Variants in MAN1A1 observed in about 807,000 individuals in gnomAD.
The protein encoded by MAN1A1 is mannosidase alpha class 1A member 1, also known as mannosyl-oligosaccharide 1,2-alpha-mannosidase IA.
A neutral mutation model predicts 70.8 loss-of-function variants in MAN1A1; 29 were observed. The observed-to-expected ratio is 0.41, with a 90% CI of 0.31 to 0.56. MAN1A1 has a LOEUF of 0.56. Ranked by LOEUF, MAN1A1 falls within the 20% of genes least tolerant of loss-of-function variation. The pLI is 0.29. For missense variants in MAN1A1, 747 were observed against 841.3 expected, an observed-to-expected ratio of 0.89 and a Z score of 1.39; for synonymous variants, 349 against 330.1, an observed-to-expected ratio of 1.06 and a Z score of -0.62.
intron 6 of MAN1A1, among the ~76,000 whole-genome samples, chr6:119,205,130 A>G (rs183327094): frequency 7.2e-4 from 110 of 152,334 alleles, no homozygotes; most frequent in Admixed American, 1.2e-3. Flanking sequence ...GTTGGTGAAC[A>G]CACAAATCTT....
chr6:119,350,082 C>T (rs906305875), upstream of MAN1A1, among the ~76,000 whole-genome samples: 2 of 152,134 alleles, frequency 1.3e-5, no homozygotes, highest in African/African-American at 4.8e-5. Context: ...GCGCTGGCCT[C>T]GGCAGGGGTC....
chr6:119,236,133 T>A (rs1310446242), intron 6 of MAN1A1, among the ~76,000 whole-genome samples: 1 of 137,036 alleles, frequency 7.3e-6, no homozygotes, highest in Non-Finnish European at 1.6e-5. Context: ...AGACTCCGTC[T>A]AAAAAAAAAA....
intron 6 of MAN1A1, among the ~76,000 whole-genome samples, chr6:119,205,566 C>A (rs1227910082): frequency 6.6e-6 from 1 of 152,112 alleles, no homozygotes. Flanking sequence ...TGCTTCATGG[C>A]CTTTCTTGGA....
At chr6:119,266,417 G>C (rs1025932324) in intron 5 of MAN1A1, among the ~76,000 whole-genome samples, 1 of 151,954 alleles carries the variant, frequency 6.6e-6, no homozygotes, top group South Asian at 2.1e-4. Flanking sequence ...AGAGAGCCTA[G>C]AAATTGATCC....
At chr6:119,311,953 T>C (rs958136784) in intron 2 of MAN1A1, among the ~76,000 whole-genome samples, 1 of 152,160 alleles carries the variant, frequency 6.6e-6, no homozygotes, top group African/African-American at 2.4e-5. Flanking sequence ...TAAAAATTAG[T>C]TTGGTGTTGG....
At chr6:119,186,306 G>A (rs995027650) in intron 11 of MAN1A1, among the ~76,000 whole-genome samples, 2 of 152,074 alleles carry the variant, frequency 1.3e-5, no homozygotes, top group Non-Finnish European at 2.9e-5. Context: ...TGATTTTTAA[G>A]ACCCCCTATG....
chr6:119,298,294 C>G (rs1380627084), intron 4 of MAN1A1, among the ~76,000 whole-genome samples: 2 of 152,136 alleles, frequency 1.3e-5, no homozygotes, highest in African/African-American at 4.8e-5. Flanking sequence ...CATATTATCC[C>G]AACTTATTTT....
At chr6:119,330,910 C>T (rs1348667047) in intron 2 of MAN1A1, among the ~76,000 whole-genome samples, 3 of 152,134 alleles carry the variant, frequency 2.0e-5, no homozygotes, top group African/African-American at 7.2e-5. Flanking sequence ...CTAGGCCCCT[C>T]CCAGGGTACT....
chr6:119,329,096 T>C (rs1296022083), intron 2 of MAN1A1, among the ~76,000 whole-genome samples: 2 of 152,182 alleles, frequency 1.3e-5, no homozygotes, highest in Admixed American at 6.5e-5. Context: ...CTCTGTGCCA[T>C]GCCTACATTT....
chr6:119,296,304 G>T (rs2114429348), intron 4 of MAN1A1, among the ~76,000 whole-genome samples: 1 of 152,232 alleles, frequency 6.6e-6, no homozygotes, highest in African/African-American at 2.4e-5. Context: ...AGGTCCAGAG[G>T]CTCTCAAGCA....
In MAN1A1 at chr6:119,349,047, A is replaced by C. The variant is rs1375329764; in HGVS notation, c.19T>G (p.Leu7Val). The change falls in exon 2 of 13, where the codon TTG (leucine) becomes GTG (valine). Residue 7 changes from leucine (L) to valine (V), a missense_variant. This residue lies in a region of MAN1A1 where 328 missense variants were observed against 293.1 expected (regional missense o/e 1.12). Transcript: ENST00000368468. ...CCCGCGGGGCTGCTGAAGAGCGGCAACAGGCCCCCCACGGGCATCGCTCCC... is the reference window on the plus strand; with the variant it reads ...CCCGCGGGGCTGCTGAAGAGCGGCACCAGGCCCCCCACGGGCATCGCTCCC... MPVGGL[L>V]PLFSSPAGGV... is the part of the protein sequence containing the mutation. The C allele has an allele frequency of 7.5e-7, 1 of 1,326,648 alleles. No individual in the cohort carries two copies. The highest frequency in any genetic ancestry group is 9.7e-7 in the Non-Finnish European group (1 of 1,035,700). The allele number at this position is 1,326,648 out of a possible 1,614,324, so 82.2% of individuals were successfully genotyped here.
Position 119,201,345 on chromosome 6 carries a change from T to G in MAN1A1, c.1119A>C (p.Val373=). 2 of 1,592,146 alleles carry G rather than the reference T, an allele frequency of 1.3e-6. No individual in the cohort carries two copies. Among genetic ancestry groups the G allele is most frequent in the South Asian group, 2.2e-5 (2 of 90,534 alleles). ...TGTTCAGTACTGTTCGAATATTCAT[T>G]ACCTATAATAGAAAATAAAATGTTA... ...LSGNPIFAEK[V]MNIRTVLNKL... is the part of the protein sequence containing the mutation. Residue 373 remains valine, a splice_region_variant and synonymous_variant, in exon 8 of 13, where the codon GTA becomes GTC. Transcript: ENST00000368468.
At chr6:119,332,234 A>T (rs996979412) in intron 2 of MAN1A1, among the ~76,000 whole-genome samples, 1 of 152,196 alleles carries the variant, frequency 6.6e-6, no homozygotes, top group African/African-American at 2.4e-5. Context: ...ATGATATTTT[A>T]AAAATCTCAT....
intron 8 of MAN1A1, among the ~76,000 whole-genome samples, chr6:119,197,659 T>C (rs1562187682): frequency 6.6e-6 from 1 of 151,936 alleles, no homozygotes; most frequent in East Asian, 1.9e-4. Context: ...GCTAAGGAAA[T>C]GGCACAAGCA....
intron 1 of MAN1A1, 113 bp downstream of exon 1, chr6:119,349,429 G>A (rs1465250803): frequency 3.3e-6 from 3 of 913,528 alleles, no homozygotes; most frequent in Admixed American, 5.9e-5. Context: ...CGCCCTCGCA[G>A]CCCACTCTCT....
At chr6:119,189,541 A>G (rs1773381666) in intron 10 of MAN1A1, 123 bp downstream of exon 10, 3 of 827,926 alleles carry the variant, frequency 3.6e-6, no homozygotes, top group Non-Finnish European at 6.0e-6. Context: ...CCTTTGAGAC[A>G]TTAATCACGA....
At chr6:119,212,512 C>T (rs916840812) in intron 6 of MAN1A1, among the ~76,000 whole-genome samples, 4 of 152,222 alleles carry the variant, frequency 2.6e-5, no homozygotes, top group East Asian at 1.9e-4. Context: ...TGCCCGTTAC[C>T]GTGCCATCCA....
intron 7 of MAN1A1, among the ~76,000 whole-genome samples, chr6:119,201,561 G>A (rs923359857): frequency 2.0e-5 from 3 of 152,122 alleles, no homozygotes; most frequent in African/African-American, 4.8e-5. Flanking sequence ...TAGGAACAAG[G>A]GGCCAGTGGA....
Position 119,306,186 on chromosome 6 carries a change from T to C in MAN1A1, c.700+710A>G, listed in dbSNP as rs1343514741. On this transcript the variant is annotated intron_variant, in intron 3 of 12. Coordinates refer to ENST00000368468, the MANE Select transcript of MAN1A1 (RefSeq NM_005907.4). ...CCAGAGTAACACTGTATTCCCTTCA[T>C]CCTGTTACTTACAGACAAATTTTGA... 7.9e-5 allele frequency among the ~76,000 whole-genome samples: 12 copies of C among 152,160 alleles called. 1 individual carries two copies. The highest frequency in any genetic ancestry group is 7.9e-4 in the Admixed American group (12 of 15,260).
Sources: gnomAD v4.1 joint callset for allele counts (sites outside exome capture counted in the v4.1 genomes callset) on GRCh38, gnomAD v4.1.1 for gene constraint, gnomAD v4.1.1 regional missense constraint, MANE v1.5 for transcripts, NCBI Gene and HGNC (gene_info 2026-07-23, HGNC 2026-07-21) for gene names.